The following TANC1 variants were observed in gnomAD, a reference collection of about 807,000 sequenced individuals.
TANC1 encodes tetratricopeptide repeat, ankyrin repeat and coiled-coil containing 1, also known as protein TANC1.
TANC1 carries 77 observed loss-of-function variants against 149.7 expected under a neutral mutation model. The observed-to-expected ratio is 0.51, with a 90% CI of 0.43 to 0.62. The LOEUF is 0.62. Ranked by LOEUF, TANC1 falls within the 20% of genes least tolerant of loss-of-function variation. The pLI is 0.00. For synonymous variants in TANC1, 854 were observed against 925.0 expected, an observed-to-expected ratio of 0.92 and a Z score of 1.39; for missense variants, 1,985 against 2,321.8, an observed-to-expected ratio of 0.85 and a Z score of 2.98.
intron 4 of TANC1, among the ~76,000 whole-genome samples, chr2:159,112,427 C>T (rs1420108704): frequency 2.6e-5 from 4 of 151,756 alleles, no homozygotes; most frequent in Admixed American, 2.6e-4. Context: ...AGCTAATTTT[C>T]GTATTTTTAG....
intron 4 of TANC1, among the ~76,000 whole-genome samples, chr2:159,132,607 G>T (rs2150172764): frequency 6.6e-6 from 1 of 151,508 alleles, no homozygotes; most frequent in Middle Eastern, 3.5e-3. Flanking sequence ...TCGTACTTCA[G>T]CCTCCAAAGT....
chr2:159,223,662 C>T (rs2059836191), intron 22 of TANC1, among the ~76,000 whole-genome samples: 1 of 152,300 alleles, frequency 6.6e-6, no homozygotes, highest in African/African-American at 2.4e-5. Context: ...CAACTGACAG[C>T]TATTATATCA....
chr2:159,142,645 C>T (rs2051502679), intron 5 of TANC1, among the ~76,000 whole-genome samples: 1 of 151,948 alleles, frequency 6.6e-6, no homozygotes, highest in Non-Finnish European at 1.5e-5. Context: ...GCTGAACTCG[C>T]TACTTTTAAA....
Position 159,176,364 on chromosome 2 carries a change from C to T in TANC1, c.1748C>T (p.Pro583Leu). 1 of 1,537,566 alleles carries T rather than the reference C, an allele frequency of 6.5e-7. No homozygotes were observed. Among genetic ancestry groups the T allele is most frequent in the Non-Finnish European group, 8.7e-7 (1 of 1,144,542 alleles). ...LTNLRNEQKI[P>L]EEEYIILIDG... ...TTTTATCCTGTAGAGCAGAAAATTC[C>T]TGAAGAAGAATACATTATTTTGATA... Residue 583 changes from proline to leucine, a missense_variant, in exon 13 of 27, where the codon CCT becomes CTT. Pro to Leu is a moderately conservative substitution (Grantham distance 98). Coordinates refer to ENST00000263635, the MANE Select transcript of TANC1 (RefSeq NM_033394.3).
rs371803281 is a variant in TANC1, at chr2:159,229,930, G to C, written c.4504G>C (p.Val1502Leu). The C allele has an allele frequency of 5.1e-5, 83 of 1,614,070 alleles. No homozygotes were observed. In the African/African-American group the frequency reaches 1.0e-3, roughly 20 times the overall value. The change falls in exon 27 of 27, where the codon GTA (valine) becomes CTA (leucine). Residue 1502 changes from valine (V) to leucine (L), a missense_variant. Coordinates refer to ENST00000263635, the MANE Select transcript of TANC1 (RefSeq NM_033394.3). ...AGGGTTACAGTCCAAAGGAAGGCCG[G>C]TATCGCCACAGAGCAGGGCAGGAAT... ...QEGLQSKGRP[V>L]SPQSRAGIGK...
intron 2 of TANC1, among the ~76,000 whole-genome samples, chr2:159,062,571 A>G (rs898455312): frequency 6.6e-6 from 1 of 152,194 alleles, no homozygotes; most frequent in African/African-American, 2.4e-5. Context: ...TCAAGGTGCC[A>G]TTTCCATTGA....
chr2:159,039,055 A>G lies in TANC1; in HGVS notation c.-15-26841A>G, dbSNP rs190890716. 2.2e-3 allele frequency among the ~76,000 whole-genome samples: 334 copies of G among 152,282 alleles called. 1 individual carries two copies. Among genetic ancestry groups the G allele is most frequent in the South Asian group, 0.014 (69 of 4,818 alleles). ...CTGTTATTGGTCTATTCAGGGACTC[A>G]ACTTCTTCCTGGTTTAGTCTTGGGA... is the stretch of plus-strand genomic sequence containing the variant. On this transcript the variant is annotated intron_variant, in intron 2 of 26. Coordinates refer to ENST00000263635, the MANE Select transcript of TANC1 (RefSeq NM_033394.3).
intron 4 of TANC1, among the ~76,000 whole-genome samples, chr2:159,131,557 C>CCA (rs1431996803): frequency 2.9e-5 from 4 of 139,846 alleles, no homozygotes; most frequent in Non-Finnish European, 6.2e-5. Flanking sequence ...CCTTTCTGCT[C>CCA]CACCTGCTCC....
chr2:158,984,572 C>T (rs1016756331), intron 1 of TANC1, among the ~76,000 whole-genome samples: 27 of 152,246 alleles, frequency 1.8e-4, no homozygotes, highest in Admixed American at 4.6e-4. Flanking sequence ...GAGAGCTGGT[C>T]ATTGTGCACT....
At position 159,176,414 on chromosome 2, in the gene TANC1, C is replaced by A; in HGVS notation, c.1798C>A (p.His600Asn). ...AGATGGCTTAAATGAAGCTGAGTTT[C>A]ATAAACCTGATTATGGAGATACGCT... ...LIDGLNEAEF[H>N]KPDYGDTLSS... Residue 600 changes from histidine to asparagine, a missense_variant, in exon 13 of 27, where the codon CAT becomes AAT. Around this residue, in one of 3 missense-constraint regions of TANC1, gnomAD observed 508 missense variants for 714.2 expected, o/e 0.71. Coordinates refer to ENST00000263635, the MANE Select transcript of TANC1 (RefSeq NM_033394.3). 6.3e-7 allele frequency: 1 copy of A among 1,583,632 alleles called. No homozygotes were observed. Among genetic ancestry groups the A allele is most frequent in the Admixed American group, 1.8e-5 (1 of 54,768 alleles).
intron 3 of TANC1, among the ~76,000 whole-genome samples, chr2:159,075,139 G>C (rs1209743713): frequency 6.6e-6 from 1 of 151,924 alleles, no homozygotes; most frequent in East Asian, 1.9e-4. Flanking sequence ...ATTATTTTAT[G>C]TACTAAGGAA....
intron 3 of TANC1, among the ~76,000 whole-genome samples, chr2:159,082,607 G>T (rs963489381): frequency 6.6e-6 from 1 of 152,150 alleles, no homozygotes; most frequent in Non-Finnish European, 1.5e-5. Context: ...GCAGATGGGG[G>T]AAAAAGCCAT....
intron 13 of TANC1, among the ~76,000 whole-genome samples, chr2:159,178,065 G>A (rs752842839): frequency 9.2e-5 from 14 of 152,254 alleles, no homozygotes; most frequent in East Asian, 1.9e-4. Flanking sequence ...CAGCCCAGGG[G>A]CAGACTCAGA....
chr2:159,219,565 G>C (rs190857414), intron 21 of TANC1, 127 bp from the exon 22 acceptor site: 23,636 of 1,338,066 alleles, frequency 0.018, 268 homozygotes, highest in Non-Finnish European at 0.023. Flanking sequence ...CATCCGGCCA[G>C]TGTCACCCTT....
intron 5 of TANC1, among the ~76,000 whole-genome samples, chr2:159,143,075 AAAACAACAAAAC>A (rs2051583712): frequency 1.0e-5 from 1 of 98,884 alleles, no homozygotes. Flanking sequence ...AAAAAAAAAA[AAAACAACAAAAC>A]AAAACAAAAA....
At chr2:159,131,777 C>T (rs34936031) in intron 4 of TANC1, among the ~76,000 whole-genome samples, 1 of 152,164 alleles carries the variant, frequency 6.6e-6, no homozygotes, top group Non-Finnish European at 1.5e-5. Flanking sequence ...GACAATAAAA[C>T]CTATGGTTAT....
chr2:159,191,767 A>G (rs1427165519), intron 16 of TANC1, among the ~76,000 whole-genome samples: 1 of 152,172 alleles, frequency 6.6e-6, no homozygotes, highest in Non-Finnish European at 1.5e-5. Context: ...GTGGACATCT[A>G]TCACTGAAAT....
chr2:158,986,950 G>A (rs960144660), intron 1 of TANC1, among the ~76,000 whole-genome samples: 5 of 151,806 alleles, frequency 3.3e-5, no homozygotes, highest in Non-Finnish European at 7.4e-5. Flanking sequence ...GTATTAAAAA[G>A]AGGCTGGAGG....
chr2:159,014,219 A>C (rs748007520), intron 2 of TANC1, among the ~76,000 whole-genome samples: 3 of 152,206 alleles, frequency 2.0e-5, no homozygotes, highest in Admixed American at 2.0e-4. Context: ...ACAGTTCCAC[A>C]TGGCTGGGGA....
Sources: allele counts gnomAD v4.1 joint callset (sites outside exome capture counted in the v4.1 genomes callset), GRCh38; gene constraint gnomAD v4.1.1; regional missense constraint gnomAD v4.1.1; transcripts MANE v1.5; gene names NCBI Gene and HGNC (gene_info 2026-07-23, HGNC 2026-07-21).